The following ZSWIM5 variants were observed in gnomAD, a reference collection of about 807,000 sequenced individuals.
ZSWIM5 encodes zinc finger SWIM-type containing 5.
Under a neutral mutation model 119.6 loss-of-function variants are expected in ZSWIM5, and 55 were observed. The ratio of observed to expected loss-of-function variants is 0.46; its 90% CI spans 0.37 to 0.58. The LOEUF (loss-of-function observed/expected upper bound fraction) is 0.58, where lower values mean the gene tolerates loss of function less well. Ranked by LOEUF, ZSWIM5 falls within the 20% of genes least tolerant of loss-of-function variation. The probability of loss-of-function intolerance (pLI) is 0.00; values close to 1 mark genes in which losing one functional copy is unlikely to be tolerated. For missense variants in ZSWIM5, 1,193 were observed against 1,512.8 expected (o/e 0.79, Z 3.51); for synonymous variants, 537 against 606.9 (o/e 0.88, Z 1.69).
At chr1:45,080,987 T>C (rs1645286332) in intron 2 of ZSWIM5, among the ~76,000 whole-genome samples, 1 of 152,148 alleles carries the variant, frequency 6.6e-6, no homozygotes. Context: ...CTTGGATCTG[T>C]TCTTAAGATT....
Position 45,206,548 on chromosome 1 carries a change from G to T in ZSWIM5, c.-198C>A. On this transcript the variant is annotated 5_prime_UTR_variant, in exon 1 of 14. Coordinates refer to ENST00000359600, the MANE Select transcript of ZSWIM5 (RefSeq NM_020883.2). ...GCGCGCCGCGAGGGCAGACGCGGGC[G>T]GCCTGCAGGGTAGCGTGAGGCGGCG... The T allele has an allele frequency of 9.9e-7, 1 of 1,010,476 alleles. No individual in the cohort carries two copies. Among genetic ancestry groups the T allele is most frequent in the East Asian group, 1.0e-4 (1 of 9,830 alleles). The allele number at this position is 1,010,476 out of a possible 1,614,324, so 62.6% of individuals were successfully genotyped here.
At chr1:45,122,084 C>A (rs1372153991) in intron 1 of ZSWIM5, among the ~76,000 whole-genome samples, 1 of 152,188 alleles carries the variant, frequency 6.6e-6, no homozygotes, top group Non-Finnish European at 1.5e-5. Context: ...TACATTCTGT[C>A]TTACTCATTA....
chr1:45,188,277 G>A (rs1570200425), intron 1 of ZSWIM5, among the ~76,000 whole-genome samples: 1 of 152,148 alleles, frequency 6.6e-6, no homozygotes, highest in South Asian at 2.1e-4. Context: ...AAGGAATAAA[G>A]TACAGATATA....
At chr1:45,041,818 G>A (rs1489294829) in intron 6 of ZSWIM5, among the ~76,000 whole-genome samples, 1 of 152,234 alleles carries the variant, frequency 6.6e-6, no homozygotes, top group African/African-American at 2.4e-5. Flanking sequence ...GATTACAGGC[G>A]TGAGCCACTG....
chr1:45,169,043 G>A (rs191945048), intron 1 of ZSWIM5, among the ~76,000 whole-genome samples: 4 of 152,086 alleles, frequency 2.6e-5, no homozygotes, highest in African/African-American at 9.6e-5. Context: ...TTGATAATCT[G>A]GCTCAAGCTA....
chr1:45,041,865 GTAT>G (rs1358244291), intron 6 of ZSWIM5, among the ~76,000 whole-genome samples: 1 of 152,112 alleles, frequency 6.6e-6, no homozygotes, highest in African/African-American at 2.4e-5. Flanking sequence ...AAATGGGATG[GTAT>G]TATACTTACT....
At chr1:45,146,338 CAT>C (rs1645759405) in intron 1 of ZSWIM5, among the ~76,000 whole-genome samples, 2 of 145,946 alleles carry the variant, frequency 1.4e-5, no homozygotes, top group South Asian at 4.3e-4. Context: ...ATGTTGTAAC[CAT>C]AGTCTGAAAA....
At chr1:45,163,423 C>T (rs561654706) in intron 1 of ZSWIM5, among the ~76,000 whole-genome samples, 3 of 152,348 alleles carry the variant, frequency 2.0e-5, no homozygotes, top group South Asian at 2.1e-4. Context: ...TCTTCTCCTT[C>T]AAAGGAACAC....
Position 45,034,347 on chromosome 1 carries a change from C to T in ZSWIM5, c.2414G>A (p.Cys805Tyr), listed in dbSNP as rs1422970775. 6.2e-7 allele frequency: 1 copy of T among 1,613,222 alleles called. No homozygotes were observed. The highest frequency in any genetic ancestry group is 1.7e-5 in the Admixed American group (1 of 59,918). ...FTLGHLESQQ[C>Y]ELASTMLTAA... ...AGTCAGCATGGTGGAGGCCAGTTCACACTGCTGTGATTCCAAGTGTCCAAG... is the reference window on the plus strand; with the variant it reads ...AGTCAGCATGGTGGAGGCCAGTTCATACTGCTGTGATTCCAAGTGTCCAAG... Residue 805 changes from cysteine to tyrosine, a missense_variant, in exon 11 of 14, where the codon TGT (cysteine) becomes TAT (tyrosine). By Grantham distance (194) the Cys-to-Tyr change is radical. Transcript: ENST00000359600.
intron 2 of ZSWIM5, among the ~76,000 whole-genome samples, chr1:45,075,461 C>A (rs979634330): frequency 5.3e-5 from 8 of 152,052 alleles, no homozygotes; most frequent in South Asian, 2.1e-4. Flanking sequence ...ATATCATGAC[C>A]TTCTTTGTCT....
chr1:45,199,491 T>C (rs566221289), intron 1 of ZSWIM5, among the ~76,000 whole-genome samples: 2 of 152,088 alleles, frequency 1.3e-5, no homozygotes, highest in East Asian at 3.9e-4. Flanking sequence ...AGTAGAGACG[T>C]GGTTTCACCA....
At chr1:45,141,241 A>T (rs1293480790) in intron 1 of ZSWIM5, among the ~76,000 whole-genome samples, 1 of 152,182 alleles carries the variant, frequency 6.6e-6, no homozygotes, top group Non-Finnish European at 1.5e-5. Context: ...AGAGGATGAG[A>T]CCAATTCTCA....
intron 1 of ZSWIM5, among the ~76,000 whole-genome samples, chr1:45,163,839 T>C (rs1343723328): frequency 6.6e-6 from 1 of 152,136 alleles, no homozygotes. Flanking sequence ...CAAATCTACG[T>C]CTGATTGGCG....
chr1:45,141,142 G>A (rs934834864), intron 1 of ZSWIM5, among the ~76,000 whole-genome samples: 39 of 152,202 alleles, frequency 2.6e-4, no homozygotes, highest in African/African-American at 8.2e-4. Flanking sequence ...AGCAGCAGCA[G>A]CTGCAGCACC....
At chr1:45,121,178 C>T (rs1645589518) in intron 1 of ZSWIM5, among the ~76,000 whole-genome samples, 1 of 152,326 alleles carries the variant, frequency 6.6e-6, no homozygotes, top group African/African-American at 2.4e-5. Flanking sequence ...GTCTCGATCT[C>T]CTGACCTCGT....
chr1:45,117,675 A>C (rs1645566621), intron 1 of ZSWIM5, among the ~76,000 whole-genome samples: 1 of 152,078 alleles, frequency 6.6e-6, no homozygotes. Flanking sequence ...TGTTTCAAAA[A>C]AAAGTAACAA....
intron 2 of ZSWIM5, among the ~76,000 whole-genome samples, chr1:45,080,039 G>C (rs956532011): frequency 6.6e-6 from 1 of 152,046 alleles, no homozygotes; most frequent in Non-Finnish European, 1.5e-5. Context: ...TCCTCTCCTC[G>C]AGCAAAGGGA....
At chr1:45,120,696 G>A (rs1412551919) in intron 1 of ZSWIM5, among the ~76,000 whole-genome samples, 1 of 150,704 alleles carries the variant, frequency 6.6e-6, no homozygotes, top group African/African-American at 2.4e-5. Context: ...GGCTGGTGTC[G>A]AACTCCTGGG....
At position 45,036,281 on chromosome 1, in the gene ZSWIM5, G is replaced by A. The variant is rs1464922629; in HGVS notation, c.1913C>T (p.Pro638Leu). ...CACAGGTACATGCTGGTACACAGGGGGTCTGCTTTCATTCATATCTGAGGG... is the reference window on the plus strand; with the variant it reads ...CACAGGTACATGCTGGTACACAGGGAGTCTGCTTTCATTCATATCTGAGGG... ...LEMSDMNESR[P>L]PVYQHVPVAA... Residue 638 changes from proline (P) to leucine (L), a missense_variant, in exon 9 of 14, where the codon CCC becomes CTC. Physicochemically the swap from Pro to Leu is moderately conservative, Grantham distance 98. Transcript: ENST00000359600. The A allele has an allele frequency of 1.9e-6, 3 of 1,613,304 alleles. No individual in the cohort carries two copies. Among genetic ancestry groups the A allele is most frequent in the East Asian group, 2.2e-5 (1 of 44,872 alleles).
Sources: allele counts gnomAD v4.1 joint callset (sites outside exome capture counted in the v4.1 genomes callset), GRCh38; gene constraint gnomAD v4.1.1; transcripts MANE v1.5; gene names NCBI Gene and HGNC (gene_info 2026-07-23, HGNC 2026-07-21).